The following UBE2E3 variants were observed in gnomAD, a reference collection of about 807,000 sequenced individuals.
UBE2E3 encodes the protein ubiquitin-conjugating enzyme E2 E3.
In UBE2E3, 5 loss-of-function variants were observed where a neutral mutation model predicts 23.6. The observed-to-expected ratio is 0.21, with a 90% CI of 0.11 to 0.44. The LOEUF is 0.44. UBE2E3 is among the 20% of genes least tolerant of loss of function. The pLI, the probability that UBE2E3 is intolerant of heterozygous loss-of-function variation, is 0.99. For synonymous variants in UBE2E3, 78 were observed against 87.5 expected, an observed-to-expected ratio of 0.89 and a Z score of 0.60; for missense variants, 81 against 249.8, an observed-to-expected ratio of 0.32 and a Z score of 4.55.
At chr2:181,008,392 G>A (rs1009324476) in intron 3 of UBE2E3, among the ~76,000 whole-genome samples, 1 of 152,218 alleles carries the variant, frequency 6.6e-6, no homozygotes, top group African/African-American at 2.4e-5. Context: ...GGTAAAAGGT[G>A]AAAGCAAGAT....
At chr2:181,037,261 T>G (rs1435713380) in intron 3 of UBE2E3, among the ~76,000 whole-genome samples, 1 of 152,240 alleles carries the variant, frequency 6.6e-6, no homozygotes, top group Non-Finnish European at 1.5e-5. Context: ...ATGTATTTAC[T>G]GTACTTTTTA....
rs1310784971 is a variant in UBE2E3 at position 181,061,284 on chromosome 2, G to A, written c.526+472G>A. On this transcript the variant is annotated intron_variant, in intron 5 of 5. Transcript: ENST00000410062. ...ACTACAGGCGCCCGCCACCGCGCCC[G>A]GCTAATTTTTTTGTATTTTTAGTAG... Among the ~76,000 whole-genome samples, 8 of 48,716 alleles carry A rather than the reference G, an allele frequency of 1.6e-4. 4 individuals are homozygous for A. The highest frequency in any genetic ancestry group is 6.4e-4 in the African/African-American group (6 of 9,388). 32.0% of individuals were successfully genotyped at this position (48,716 alleles called of 152,430 possible).
chr2:181,057,034 A>G, intron 3 of UBE2E3, among the ~76,000 whole-genome samples: 1 of 151,756 alleles, frequency 6.6e-6, no homozygotes, highest in East Asian at 1.9e-4. Context: ...ATTTTTTAAA[A>G]AAGAAGACTA....
chr2:180,985,105 A>C (rs1471292172), intron 3 of UBE2E3, among the ~76,000 whole-genome samples: 1 of 152,058 alleles, frequency 6.6e-6, no homozygotes, highest in African/African-American at 2.4e-5. Context: ...GTTGCTTCTT[A>C]TTGTGTATGT....
chr2:181,038,797 G>C (rs1686381718), intron 3 of UBE2E3, among the ~76,000 whole-genome samples: 2 of 152,190 alleles, frequency 1.3e-5, no homozygotes, highest in African/African-American at 4.8e-5. Context: ...AGATGTTACT[G>C]ATGAAGCTGT....
intron 3 of UBE2E3, among the ~76,000 whole-genome samples, chr2:180,986,139 C>T (rs1205460083): frequency 6.6e-6 from 1 of 152,130 alleles, no homozygotes; most frequent in East Asian, 1.9e-4. Flanking sequence ...TGGAACACCT[C>T]ATCCCTGCTT....
intron 3 of UBE2E3, among the ~76,000 whole-genome samples, chr2:181,017,667 C>T (rs1042676281): frequency 6.8e-6 from 1 of 148,042 alleles, no homozygotes; most frequent in Non-Finnish European, 1.5e-5. Flanking sequence ...TTTTTTAATA[C>T]GGAAGTGTCA....
chr2:181,015,466 A>G (rs1423316031), intron 3 of UBE2E3, among the ~76,000 whole-genome samples: 1 of 152,144 alleles, frequency 6.6e-6, no homozygotes, highest in African/African-American at 2.4e-5. Context: ...AAAGACTAAC[A>G]AAAACAAAAA....
intron 3 of UBE2E3, among the ~76,000 whole-genome samples, chr2:181,048,937 C>T (rs73974754): frequency 0.018 from 2,737 of 152,124 alleles, 69 homozygotes; most frequent in African/African-American, 0.062. Flanking sequence ...GAGCCCCAGC[C>T]GCCTTGATAA....
At chr2:181,019,837 C>CT (rs796446412) in intron 3 of UBE2E3, among the ~76,000 whole-genome samples, 2,214 of 151,676 alleles carry the variant, frequency 0.015, 57 homozygotes, top group African/African-American at 0.05. Context: ...TAATTTTTTT[C>CT]TTTTTTTTGT....
chr2:181,019,824 T>G (rs1391655045), intron 3 of UBE2E3, among the ~76,000 whole-genome samples: 1 of 152,044 alleles, frequency 6.6e-6, no homozygotes, highest in African/African-American at 2.4e-5. Context: ...TACCATTTTC[T>G]TTTAATTTTT....
intron 3 of UBE2E3, among the ~76,000 whole-genome samples, chr2:180,989,281 TC>T (rs1684581838): frequency 6.6e-6 from 1 of 152,170 alleles, no homozygotes; most frequent in Non-Finnish European, 1.5e-5. Flanking sequence ...GAGCGAGTGT[TC>T]CTTGAATGGA....
chr2:181,045,444 A>G (rs940178927), intron 3 of UBE2E3, among the ~76,000 whole-genome samples: 2 of 152,200 alleles, frequency 1.3e-5, no homozygotes, highest in African/African-American at 4.8e-5. Flanking sequence ...AGCCCAGGCA[A>G]TTATGTCACA....
chr2:181,007,668 TTTC>T (rs1161182756), intron 3 of UBE2E3, among the ~76,000 whole-genome samples: 1 of 152,142 alleles, frequency 6.6e-6, no homozygotes, highest in Non-Finnish European at 1.5e-5. Flanking sequence ...CAATGTATTC[TTTC>T]TGCCAAGACT....
chr2:181,039,841 A>G (rs931047781), intron 3 of UBE2E3, among the ~76,000 whole-genome samples: 1 of 152,230 alleles, frequency 6.6e-6, no homozygotes, highest in African/African-American at 2.4e-5. Context: ...ATAAAATGGC[A>G]TACTATTTGC....
chr2:180,990,552 G>A (rs1466336525), intron 3 of UBE2E3, among the ~76,000 whole-genome samples: 1 of 152,168 alleles, frequency 6.6e-6, no homozygotes, highest in Non-Finnish European at 1.5e-5. Context: ...TGTCATACGT[G>A]TGTGTTATTT....
intron 3 of UBE2E3, among the ~76,000 whole-genome samples, chr2:181,016,391 G>C (rs1685492929): frequency 2.0e-5 from 3 of 151,912 alleles, no homozygotes; most frequent in African/African-American, 7.3e-5. Context: ...ATACCTTTTT[G>C]TCTTTATCAA....
intron 5 of UBE2E3, 63 bp downstream of exon 5, chr2:181,060,875 T>A: frequency 7.7e-7 from 1 of 1,302,434 alleles, no homozygotes; most frequent in East Asian, 2.7e-5. Context: ...TTTTTTTTTT[T>A]TTTTTTTTTT....
At chr2:181,014,154 C>A (rs1415769866) in intron 3 of UBE2E3, among the ~76,000 whole-genome samples, 2 of 152,060 alleles carry the variant, frequency 1.3e-5, no homozygotes, top group African/African-American at 2.4e-5. Flanking sequence ...GTGCCATATT[C>A]GGAGATAGGA....
Sources: allele counts gnomAD v4.1 joint callset (sites outside exome capture counted in the v4.1 genomes callset), GRCh38; gene constraint gnomAD v4.1.1; transcripts MANE v1.5; gene names NCBI Gene and HGNC (gene_info 2026-07-23, HGNC 2026-07-21).